Variants in ALKBH8 observed in about 807,000 individuals in gnomAD.
ALKBH8 encodes the protein alkB homolog 8, tRNA methyltransferase.
Under a neutral mutation model 59.8 loss-of-function variants are expected in ALKBH8, and 36 were observed. That is an observed-to-expected ratio of 0.60 (90% CI 0.46 to 0.79). ALKBH8 has a LOEUF of 0.79. ALKBH8 is among the 30% of genes least tolerant of loss of function. The pLI is 0.00. For missense variants in ALKBH8, 768 were observed against 801.0 expected (o/e 0.96, Z 0.50); for synonymous variants, 276 against 273.6 (o/e 1.01, Z -0.09).
At position 107,556,782 on chromosome 11, in the gene ALKBH8, C is replaced by A. The variant is rs192556956; in HGVS notation, c.351G>T (p.Leu117Phe). 4 of 1,380,082 alleles carry A rather than the reference C, an allele frequency of 2.9e-6. No individual in the cohort carries two copies. The Admixed American group carries it at 8.4e-5, about 29-fold the overall frequency. The allele number at this position is 1,380,082 out of a possible 1,614,324, so 85.5% of individuals were successfully genotyped here. ...DDLGQKITLY[L>F]NFVEKVQWKE... ...TGATAATACCTTTTTCCACAAAATTCAAATACAGAGTGATCTTTTGTCCTA... is the reference window on the plus strand; with the variant it reads ...TGATAATACCTTTTTCCACAAAATTAAAATACAGAGTGATCTTTTGTCCTA... The change falls in exon 3 of 12, where the codon TTG becomes TTT. Residue 117 changes from leucine (L) to phenylalanine (F), a missense_variant. Transcript: ENST00000428149.
chr11:107,523,765 G>A (rs1378639216), intron 9 of ALKBH8, among the ~76,000 whole-genome samples: 1 of 151,340 alleles, frequency 6.6e-6, no homozygotes, highest in East Asian at 2.0e-4. Flanking sequence ...ACCATGCCTG[G>A]CCAATTTTTG....
In ALKBH8 at chr11:107,504,501, A is replaced by T; in HGVS notation, c.*157T>A. 1.2e-6 allele frequency: 1 copy of T among 859,040 alleles called. No individual in the cohort carries two copies. The highest frequency in any genetic ancestry group is 1.9e-6 in the Non-Finnish European group (1 of 528,842). 53.2% of individuals were successfully genotyped at this position (859,040 alleles called of 1,614,324 possible). On this transcript the variant is annotated 3_prime_UTR_variant, in exon 12 of 12. Coordinates refer to ENST00000428149, the MANE Select transcript of ALKBH8 (RefSeq NM_138775.3). Reference sequence around the variant, plus strand: ...GATGTCAGCCAACAGGAGACATTTGAATGTCTCCTAATGAATCCCTACTTC... The same window carrying T: ...GATGTCAGCCAACAGGAGACATTTGTATGTCTCCTAATGAATCCCTACTTC...
intron 10 of ALKBH8, 34 bp downstream of exon 10, chr11:107,522,265 A>G (rs1237618306): frequency 6.5e-7 from 1 of 1,546,804 alleles, no homozygotes; most frequent in Non-Finnish European, 8.7e-7. Flanking sequence ...ACTGCAAATT[A>G]AGCAAAAAGA....
chr11:107,505,212 G>A lies in ALKBH8; in HGVS notation c.1441C>T (p.Arg481Cys), dbSNP rs931093569. Residue 481 changes from arginine to cysteine, a missense_variant, in exon 12 of 12, where the codon CGT becomes TGT. By Grantham distance (180) the Arg-to-Cys change is radical. Coordinates refer to ENST00000428149, the MANE Select transcript of ALKBH8 (RefSeq NM_138775.3). ...ATTTCTTGGAGAGCTGCCACTCTAC[G>A]CTCCTAATGAAAAAAAACAAAACAC... ...AVIHHFATAE[R>C]RVAALQEIVR... 12 of 1,520,030 alleles carry A rather than the reference G, an allele frequency of 7.9e-6. No homozygotes were observed. Among genetic ancestry groups the A allele is most frequent in the Admixed American group, 4.5e-5 (2 of 44,574 alleles). The allele number at this position is 1,520,030 out of a possible 1,614,324, so 94.2% of individuals were successfully genotyped here. A position where few individuals can be genotyped will look rare whatever the true frequency, so the allele number is the denominator to read the frequency against.
At chr11:107,523,972 G>C (rs561062005) in intron 9 of ALKBH8, among the ~76,000 whole-genome samples, 2 of 152,092 alleles carry the variant, frequency 1.3e-5, no homozygotes, top group Non-Finnish European at 1.5e-5. Flanking sequence ...ATGTTAATTA[G>C]CTCAATTGAG....
At chr11:107,534,837 A>G (rs925252235) in intron 7 of ALKBH8, among the ~76,000 whole-genome samples, 4 of 149,176 alleles carry the variant, frequency 2.7e-5, no homozygotes, top group Non-Finnish European at 5.9e-5. Flanking sequence ...GTGATTTCTG[A>G]GATTTTTGGT....
intron 7 of ALKBH8, among the ~76,000 whole-genome samples, chr11:107,535,231 T>C (rs1405137000): frequency 6.6e-6 from 1 of 152,190 alleles, no homozygotes; most frequent in East Asian, 1.9e-4. Flanking sequence ...GCAATTATCT[T>C]TTTTGTACAA....
At position 107,556,974 on chromosome 11, in the gene ALKBH8, A is replaced by T; in HGVS notation, c.159T>A (p.Gly53=). Reference sequence around the variant, plus strand: ...GCAGCTGGTTCCGACTCACACCATTACCCAAACCACCATTGGCAACAACCA... The same window carrying T: ...GCAGCTGGTTCCGACTCACACCATTTCCCAAACCACCATTGGCAACAACCA... ...QSLVVANGGL[G]NGVSRNQLLP... The change falls in exon 3 of 12, where the codon GGT becomes GGA. Residue 53 remains glycine (G), a synonymous_variant. Coordinates refer to ENST00000428149, the MANE Select transcript of ALKBH8 (RefSeq NM_138775.3). The T allele has an allele frequency of 6.3e-7, 1 of 1,594,952 alleles. No individual in the cohort carries two copies. The highest frequency in any genetic ancestry group is 8.5e-7 in the Non-Finnish European group (1 of 1,171,648).
intron 8 of ALKBH8, among the ~76,000 whole-genome samples, chr11:107,525,853 TA>T (rs148914266): frequency 6.6e-6 from 1 of 151,006 alleles, no homozygotes; most frequent in African/African-American, 2.4e-5. Context: ...ACACCAATTC[TA>T]AAAAAAACAA....
chr11:107,526,983 T>C (rs1863383959), intron 8 of ALKBH8, among the ~76,000 whole-genome samples: 1 of 151,984 alleles, frequency 6.6e-6, no homozygotes, highest in African/African-American at 2.4e-5. Context: ...TAGTAAGTCT[T>C]AAAAATCAGG....
chr11:107,550,339 A>G (rs1431296763), intron 6 of ALKBH8, among the ~76,000 whole-genome samples: 1 of 152,236 alleles, frequency 6.6e-6, no homozygotes, highest in Non-Finnish European at 1.5e-5. Flanking sequence ...CCCTGTCCTC[A>G]AAGAGCTTAC....
chr11:107,565,061 C>T (rs575363061), intron 1 of ALKBH8: 30 of 154,996 alleles, frequency 1.9e-4, no homozygotes, highest in Non-Finnish European at 2.0e-4. Context: ...TGGGCTTCGG[C>T]CAGAAAACTG....
At position 107,544,815 on chromosome 11, in the gene ALKBH8, CCACACACACACACA is replaced by C. The variant is rs5794557; in HGVS notation, c.771+4924_771+4937del. ...AAGTCACCATGGCTTTAGATACAAA[CCACACACACACACA>C]CACACACACACACACACACACACAC... On this transcript the variant is annotated intron_variant, in intron 7 of 11. Coordinates refer to ENST00000428149, the MANE Select transcript of ALKBH8 (RefSeq NM_138775.3). Among the ~76,000 whole-genome samples the C allele has an allele frequency of 7.4e-4, 103 of 138,556 alleles. 1 individual carries two copies. Among genetic ancestry groups the C allele is most frequent in the Middle Eastern group, 7.1e-3 (2 of 282 alleles). The allele number at this position is 138,556 out of a possible 152,430, so 90.9% of individuals were successfully genotyped here. A position where few individuals can be genotyped will look rare whatever the true frequency, so the allele number is the denominator to read the frequency against.
chr11:107,562,842 TA>T (rs1255698245), intron 1 of ALKBH8: 1 of 149,960 alleles, frequency 6.7e-6, no homozygotes, highest in Non-Finnish European at 1.5e-5. Context: ...AGAAGCGAAA[TA>T]GGGGGAGAGG....
Position 107,520,909 on chromosome 11 carries a change from T to C in ALKBH8, c.1287+1390A>G, listed in dbSNP as rs552852826. On this transcript the variant is annotated intron_variant, in intron 10 of 11. Coordinates refer to ENST00000428149, the MANE Select transcript of ALKBH8 (RefSeq NM_138775.3). ...AAATACTAAAAAAATAAAAATTCCA[T>C]CTTTACTGAATATGTATAGACTTTT... Among the ~76,000 whole-genome samples the C allele has an allele frequency of 3.9e-5, 6 of 152,272 alleles. No homozygotes were observed. In the South Asian group the frequency reaches 1.2e-3, roughly 32 times the overall value.
chr11:107,565,325 A>G, intron 1 of ALKBH8: 2 of 549,888 alleles, frequency 3.6e-6, no homozygotes, highest in South Asian at 2.2e-5. Flanking sequence ...CCATGTTGCA[A>G]CCGTCCTCTC....
At chr11:107,524,913 G>C (rs961838607) in intron 9 of ALKBH8, among the ~76,000 whole-genome samples, 2 of 152,136 alleles carry the variant, frequency 1.3e-5, no homozygotes, top group Non-Finnish European at 2.9e-5. Context: ...TGATGTACTT[G>C]TACAGACGAT....
In ALKBH8 at chr11:107,535,871, C is replaced by T. The variant is rs117830632; in HGVS notation, c.772-3465G>A. Among the ~76,000 whole-genome samples, 1,467 of 152,028 alleles carry T rather than the reference C, an allele frequency of 9.6e-3. 6 individuals carry two copies. Among genetic ancestry groups the T allele is most frequent in the Non-Finnish European group, 0.016 (1,114 of 68,000 alleles). On this transcript the variant is annotated intron_variant, in intron 7 of 11. Transcript: ENST00000428149. ...GGGTACACTGACAGCCTAGAGGGTC[C>T]TCCAGAACTTGCTTCAAATGTAGAA... is the stretch of plus-strand genomic sequence containing the variant.
chr11:107,504,610 T>C lies in ALKBH8; in HGVS notation c.*48A>G. The C allele has an allele frequency of 6.6e-7, 1 of 1,525,718 alleles. No individual in the cohort carries two copies. The highest frequency in any genetic ancestry group is 8.8e-7 in the Non-Finnish European group (1 of 1,131,366). The allele number at this position is 1,525,718 out of a possible 1,614,324, so 94.5% of individuals were successfully genotyped here. ...GGTAATTAATTTATTCTCTCTTTTT[T>C]TTTAAGTGAGCATTTCTTCTTTATA... is the stretch of plus-strand genomic sequence containing the variant. On this transcript the variant is annotated 3_prime_UTR_variant, in exon 12 of 12. Transcript: ENST00000428149.
Sources: gnomAD v4.1 joint callset for allele counts (sites outside exome capture counted in the v4.1 genomes callset) on GRCh38, gnomAD v4.1.1 for gene constraint, MANE v1.5 for transcripts, NCBI Gene and HGNC (gene_info 2026-07-23, HGNC 2026-07-21) for gene names.